CDYL2: variants seen among roughly 807,000 people sequenced by gnomAD.
The protein encoded by CDYL2 is chromodomain Y-like protein 2.
Under a neutral mutation model 49.4 loss-of-function variants are expected in CDYL2, and 23 were observed. That is an observed-to-expected ratio of 0.47 (90% confidence interval 0.34 to 0.66). The LOEUF (loss-of-function observed/expected upper bound fraction) is 0.66. CDYL2 is among the 30% of genes least tolerant of loss of function. CDYL2 has a pLI of 0.01. For missense variants in CDYL2, 678 were observed against 656.4 expected (o/e 1.03, Z -0.36); for synonymous variants, 360 against 268.8 (o/e 1.34, Z -3.32).
chr16:80,647,356 C>A (rs981001913), intron 2 of CDYL2, among the ~76,000 whole-genome samples: 1 of 151,942 alleles, frequency 6.6e-6, no homozygotes, highest in Non-Finnish European at 1.5e-5. Context: ...TAGAAAAAAA[C>A]AAAATTTATA....
chr16:80,789,020 A>T (rs1907524419), intron 1 of CDYL2, among the ~76,000 whole-genome samples: 1 of 152,320 alleles, frequency 6.6e-6, no homozygotes, highest in Admixed American at 6.5e-5. Flanking sequence ...ATATTAAAAA[A>T]TGCTCAACAT....
At chr16:80,740,915 A>C (rs546319808) in intron 1 of CDYL2, among the ~76,000 whole-genome samples, 4 of 151,932 alleles carry the variant, frequency 2.6e-5, no homozygotes, top group Non-Finnish European at 5.9e-5. Context: ...CATTACTATA[A>C]ACATGTTAAT....
intron 3 of CDYL2, among the ~76,000 whole-genome samples, chr16:80,628,541 G>A (rs188586029): frequency 3.1e-4 from 47 of 152,262 alleles, no homozygotes; most frequent in East Asian, 1.9e-3. Flanking sequence ...GCCTCCACTT[G>A]ACAGCAGCCT....
At chr16:80,701,301 T>C (rs879896117) in intron 1 of CDYL2, among the ~76,000 whole-genome samples, 2 of 152,200 alleles carry the variant, frequency 1.3e-5, no homozygotes, top group African/African-American at 2.4e-5. Flanking sequence ...TCTTCTATGG[T>C]TATTGCCTAA....
chr16:80,665,954 T>C (rs1336026419), intron 2 of CDYL2, among the ~76,000 whole-genome samples: 1 of 151,962 alleles, frequency 6.6e-6, no homozygotes, highest in Non-Finnish European at 1.5e-5. Flanking sequence ...TATCCTAGGA[T>C]CAATGAAAAA....
intron 5 of CDYL2, 132 bp from the exon 6 acceptor site, chr16:80,608,367 T>C (rs577774106): frequency 2.0e-6 from 2 of 1,004,340 alleles, no homozygotes; most frequent in Non-Finnish European, 2.8e-6. Context: ...TTATCTTATT[T>C]TGGGGTCAGA....
chr16:80,761,530 G>A (rs993405086), intron 1 of CDYL2, among the ~76,000 whole-genome samples: 1 of 152,118 alleles, frequency 6.6e-6, no homozygotes, highest in African/African-American at 2.4e-5. Context: ...CTCTCAAAAT[G>A]AGTGTTCCCT....
intron 1 of CDYL2, among the ~76,000 whole-genome samples, chr16:80,705,644 T>G (rs987758189): frequency 1.3e-5 from 2 of 152,260 alleles, no homozygotes; most frequent in African/African-American, 4.8e-5. Context: ...TATAAACCAA[T>G]GGTCAACAAA....
At chr16:80,798,143 C>A (rs750872356) in intron 1 of CDYL2, among the ~76,000 whole-genome samples, 2 of 152,144 alleles carry the variant, frequency 1.3e-5, no homozygotes, top group African/African-American at 4.8e-5. Flanking sequence ...CAGACTCAAG[C>A]AATCCCCCAA....
intron 1 of CDYL2, among the ~76,000 whole-genome samples, chr16:80,781,716 G>A (rs995101387): frequency 6.6e-6 from 1 of 151,976 alleles, no homozygotes; most frequent in African/African-American, 2.4e-5. Flanking sequence ...ACCAACATGG[G>A]ATAAACTAGA....
At chr16:80,637,085 G>A (rs1379371570) in intron 2 of CDYL2, among the ~76,000 whole-genome samples, 3 of 152,120 alleles carry the variant, frequency 2.0e-5, no homozygotes, top group African/African-American at 4.8e-5. Flanking sequence ...AATAGCATTA[G>A]AAGAAATACC....
At position 80,681,844 on chromosome 16, in the gene CDYL2, G is replaced by T. The variant is rs538105505; in HGVS notation, c.616+2694C>A. Among the ~76,000 whole-genome samples the T allele has an allele frequency of 2.9e-4, 44 of 152,306 alleles. No individual in the cohort carries two copies. The South Asian group carries it at 9.1e-3, about 32-fold the overall frequency. ...AGAGGGAAGCTATAAGTTTCAGAGG[G>T]AAAAGTCCATACCTATCTCTTCATT... On this transcript the variant is annotated intron_variant, in intron 2 of 6. Coordinates refer to ENST00000570137, the MANE Select transcript of CDYL2 (RefSeq NM_152342.4).
At chr16:80,712,067 ATG>A (rs1904621815) in intron 1 of CDYL2, among the ~76,000 whole-genome samples, 2 of 149,766 alleles carry the variant, frequency 1.3e-5, no homozygotes, top group African/African-American at 2.5e-5. Flanking sequence ...GTGTGTATAG[ATG>A]TGTGTATATA....
At chr16:80,656,997 G>A (rs1294809730) in intron 2 of CDYL2, among the ~76,000 whole-genome samples, 1 of 152,166 alleles carries the variant, frequency 6.6e-6, no homozygotes, top group Admixed American at 6.5e-5. Flanking sequence ...AGGATCTCAG[G>A]ACCAGGTAGA....
chr16:80,719,486 G>C (rs898170708), intron 1 of CDYL2, among the ~76,000 whole-genome samples: 1 of 152,198 alleles, frequency 6.6e-6, no homozygotes, highest in African/African-American at 2.4e-5. Flanking sequence ...TGGAGGAATA[G>C]GGGTTCATTT....
At chr16:80,639,763 CT>C (rs1567551651) in intron 2 of CDYL2, 1 of 455,820 alleles carries the variant, frequency 2.2e-6, no homozygotes, top group South Asian at 1.6e-5. Flanking sequence ...TCCCCTCCCC[CT>C]GAAGCAGTAG....
intron 1 of CDYL2, among the ~76,000 whole-genome samples, chr16:80,728,974 C>A (rs984762624): frequency 6.6e-6 from 1 of 151,822 alleles, no homozygotes; most frequent in African/African-American, 2.4e-5. Context: ...AAAGGAACAA[C>A]CGGTACCAGC....
At chr16:80,696,196 C>CAGAATG (rs1016026542) in intron 1 of CDYL2, among the ~76,000 whole-genome samples, 1 of 151,938 alleles carries the variant, frequency 6.6e-6, no homozygotes, top group Non-Finnish European at 1.5e-5. Context: ...TTTCTTGAAA[C>CAGAATG]AAATGAAAAC....
chr16:80,765,414 T>G (rs973326514), intron 1 of CDYL2, among the ~76,000 whole-genome samples: 1 of 151,636 alleles, frequency 6.6e-6, no homozygotes, highest in Admixed American at 6.6e-5. Flanking sequence ...AGATTTGACA[T>G]GGATCTGAAA....
Sources: allele counts gnomAD v4.1 joint callset (sites outside exome capture counted in the v4.1 genomes callset), GRCh38; gene constraint gnomAD v4.1.1; transcripts MANE v1.5; gene names NCBI Gene and HGNC (gene_info 2026-07-23, HGNC 2026-07-21).